Variants in CTNNA3 observed in about 807,000 individuals in gnomAD.
The protein encoded by CTNNA3 is catenin alpha-3.
In CTNNA3, 76 loss-of-function variants were observed where a neutral mutation model predicts 95.7. The ratio of observed to expected loss-of-function variants is 0.79; its 90% CI spans 0.66 to 0.96. CTNNA3 has a LOEUF of 0.96. Ranked by LOEUF, CTNNA3 falls within the 40% of genes least tolerant of loss-of-function variation. The pLI, the probability that CTNNA3 is intolerant of heterozygous loss-of-function variation, is 0.00. For synonymous variants in CTNNA3, 431 were observed against 374.4 expected, an observed-to-expected ratio of 1.15 and a Z score of -1.74; for missense variants, 1,191 against 1,089.8, an observed-to-expected ratio of 1.09 and a Z score of -1.31.
intron 7 of CTNNA3, among the ~76,000 whole-genome samples, chr10:66,988,889 C>T (rs901341611): frequency 1.3e-5 from 2 of 152,006 alleles, no homozygotes; most frequent in Non-Finnish European, 2.9e-5. Flanking sequence ...CACTTAAATA[C>T]ACCGGGTTCC....
intron 7 of CTNNA3, among the ~76,000 whole-genome samples, chr10:67,144,621 A>C (rs1860753589): frequency 6.6e-6 from 1 of 152,196 alleles, no homozygotes; most frequent in African/African-American, 2.4e-5. Flanking sequence ...CATGAAACAA[A>C]CACTGCTGGC....
At chr10:66,335,490 G>A (rs943427029) in intron 12 of CTNNA3, among the ~76,000 whole-genome samples, 2 of 152,082 alleles carry the variant, frequency 1.3e-5, no homozygotes, top group Non-Finnish European at 2.9e-5. Context: ...TTTGCTGGAG[G>A]TCCACTCCAG....
chr10:66,501,389 C>T (rs913942654), intron 11 of CTNNA3, among the ~76,000 whole-genome samples: 1 of 152,106 alleles, frequency 6.6e-6, no homozygotes. Context: ...GCCTTGGTGT[C>T]TTTCCCAACA....
chr10:66,015,466 T>G (rs935260742), intron 15 of CTNNA3, among the ~76,000 whole-genome samples: 2 of 152,202 alleles, frequency 1.3e-5, no homozygotes, highest in Non-Finnish European at 2.9e-5. Context: ...TTCCCCACAC[T>G]CCTTCATTTA....
chr10:67,175,340 CAGGAGTGAGATGGAGGTCTATACAAA>C (rs1374386009), intron 7 of CTNNA3, among the ~76,000 whole-genome samples: 3 of 152,030 alleles, frequency 2.0e-5, no homozygotes, highest in Admixed American at 2.0e-4. Flanking sequence ...AATGCATTTT[CAGGAGTGAGATGGAGGTCTATACAAA>C]AGGAAAAATC....
At chr10:67,366,719 G>T (rs1843233093) in intron 5 of CTNNA3, among the ~76,000 whole-genome samples, 1 of 151,900 alleles carries the variant, frequency 6.6e-6, no homozygotes, top group Admixed American at 6.6e-5. Flanking sequence ...ACAACCATCT[G>T]CTCTTTGACA....
At chr10:66,542,935 C>G (rs1253204404) in intron 10 of CTNNA3, among the ~76,000 whole-genome samples, 2 of 151,654 alleles carry the variant, frequency 1.3e-5, no homozygotes, top group African/African-American at 4.8e-5. Context: ...AATTTGCAGA[C>G]TTTAAAATAG....
At chr10:66,786,697 A>T (rs1163223831) in intron 7 of CTNNA3, among the ~76,000 whole-genome samples, 1 of 152,226 alleles carries the variant, frequency 6.6e-6, no homozygotes, top group Non-Finnish European at 1.5e-5. Context: ...TTTTTTAAAC[A>T]TCTTAGTTAT....
At chr10:66,629,238 A>C (rs1845047208) in intron 9 of CTNNA3, among the ~76,000 whole-genome samples, 2 of 152,208 alleles carry the variant, frequency 1.3e-5, no homozygotes, top group Non-Finnish European at 2.9e-5. Context: ...TGATGGTTAA[A>C]CTAGTCTGAC....
intron 13 of CTNNA3, among the ~76,000 whole-genome samples, chr10:66,161,694 C>T (rs544260960): frequency 2.0e-5 from 3 of 152,276 alleles, no homozygotes; most frequent in South Asian, 2.1e-4. Flanking sequence ...GATCTTTTTA[C>T]GATGAATTTC....
At chr10:66,014,062 A>G (rs2079051204) in intron 15 of CTNNA3, among the ~76,000 whole-genome samples, 1 of 152,102 alleles carries the variant, frequency 6.6e-6, no homozygotes, top group Admixed American at 6.6e-5. Context: ...ACAGGCCAAC[A>G]TCTGTCCTGA....
At chr10:67,020,787 A>G (rs2133072078) in intron 7 of CTNNA3, among the ~76,000 whole-genome samples, 1 of 152,322 alleles carries the variant, frequency 6.6e-6, no homozygotes, top group Non-Finnish European at 1.5e-5. Context: ...TAAGTTTCAG[A>G]AAGGTGTAGT....
At chr10:66,902,248 C>T (rs1248111139) in intron 7 of CTNNA3, among the ~76,000 whole-genome samples, 1 of 152,178 alleles carries the variant, frequency 6.6e-6, no homozygotes, top group Non-Finnish European at 1.5e-5. Context: ...CACACAGCTA[C>T]ATGGAAACTG....
intron 3 of CTNNA3, among the ~76,000 whole-genome samples, chr10:67,579,032 TACACACAC>T (rs71468816): frequency 1.1e-5 from 1 of 95,158 alleles, no homozygotes; most frequent in Non-Finnish European, 2.0e-5. Flanking sequence ...TATATATATA[TACACACAC>T]ACACATATAT....
chr10:66,506,241 C>G (rs1840446923), intron 11 of CTNNA3, among the ~76,000 whole-genome samples: 1 of 152,170 alleles, frequency 6.6e-6, no homozygotes, highest in Non-Finnish European at 1.5e-5. Context: ...GCACTGCATT[C>G]AACACTGGGG....
intron 7 of CTNNA3, among the ~76,000 whole-genome samples, chr10:66,865,719 A>G (rs983978363): frequency 6.6e-6 from 1 of 152,072 alleles, no homozygotes; most frequent in African/African-American, 2.4e-5. Context: ...TTTAGTATTG[A>G]TTTTAACAAT....
At chr10:66,722,311 G>T (rs1848653208) in intron 9 of CTNNA3, among the ~76,000 whole-genome samples, 1 of 151,894 alleles carries the variant, frequency 6.6e-6, no homozygotes, top group African/African-American at 2.4e-5. Flanking sequence ...CTGGGAGGCG[G>T]AGCTTGCAGT....
chr10:66,401,986 A>C (rs2093025383), intron 11 of CTNNA3, among the ~76,000 whole-genome samples: 1 of 152,078 alleles, frequency 6.6e-6, no homozygotes, highest in South Asian at 2.1e-4. Flanking sequence ...GGTAAATAGA[A>C]ATTTAGTTGT....
intron 10 of CTNNA3, among the ~76,000 whole-genome samples, chr10:66,582,210 T>C (rs948585201): frequency 8.6e-5 from 13 of 151,916 alleles, no homozygotes; most frequent in African/African-American, 1.4e-4. Context: ...AGAAATTGCA[T>C]TGAATCTGTA....
Sources: gnomAD v4.1 joint callset for allele counts (sites outside exome capture counted in the v4.1 genomes callset) on GRCh38, gnomAD v4.1.1 for gene constraint, MANE v1.5 for transcripts, NCBI Gene and HGNC (gene_info 2026-07-23, HGNC 2026-07-21) for gene names.